Variants in WNK2 observed in about 807,000 individuals in gnomAD.
WNK2 encodes the protein serine/threonine-protein kinase WNK2.
WNK2 carries 67 observed loss-of-function variants against 192.1 expected under a neutral mutation model. The ratio of observed to expected loss-of-function variants is 0.35; its 90% confidence interval spans 0.29 to 0.43. WNK2 has a LOEUF of 0.43. Among genes scored for constraint, WNK2 ranks in the 20% least tolerant of loss-of-function variants. The probability of loss-of-function intolerance (pLI) is 1.00; values close to 1 mark genes in which losing one functional copy is unlikely to be tolerated. For synonymous variants in WNK2, 1,439 were observed against 1,393.9 expected (o/e 1.03, Z -0.72); for missense variants, 2,698 against 3,089.7 (o/e 0.87, Z 3.01).
At chr9:93,263,812 GGGGTGTGGT>G in intron 15 of WNK2, 78 bp downstream of exon 15, 3 of 485,812 alleles carry the variant, frequency 6.2e-6, no homozygotes, top group Non-Finnish European at 1.1e-5. Context: ...GGCCGTGGCG[GGGGTGTGGT>G]GGGGGTGGGG....
intron 23 of WNK2, among the ~76,000 whole-genome samples, chr9:93,295,294 C>T (rs1003477565): frequency 1.4e-4 from 22 of 152,192 alleles, no homozygotes; most frequent in Non-Finnish European, 2.2e-4. Context: ...CCCACGCAGC[C>T]GCTCCCCAAC....
At chr9:93,300,261 C>G in intron 26 of WNK2, 112 bp downstream of exon 26, 1 of 871,782 alleles carries the variant, frequency 1.1e-6, no homozygotes, top group Non-Finnish European at 1.8e-6. Flanking sequence ...CTCCCCCACC[C>G]CATCGAAGTC....
intron 2 of WNK2, among the ~76,000 whole-genome samples, chr9:93,217,743 G>A (rs914459818): frequency 7.2e-5 from 11 of 152,250 alleles, no homozygotes; most frequent in African/African-American, 2.2e-4. Context: ...CACCACAGAT[G>A]TTTGTGCCTG....
rs571045821 is a variant in WNK2 at position 93,259,651 on chromosome 9, G to C, written c.3066+37G>C. The stretch of plus-strand genomic sequence containing the variant: ...CTGGGCAGGGGCTCACCCTCCCAGC[G>C]TCTGGGGACCCTCAGGACCCAGAGA... On this transcript the variant is annotated intron_variant, in intron 12 of 29. Transcript: ENST00000427277. The surrounding 1 kb of genome is among the most constrained non-coding windows in gnomAD (Gnocchi z 4.8). 3 of 1,498,168 alleles carry C rather than the reference G, an allele frequency of 2.0e-6. No individual in the cohort carries two copies. The highest frequency in any genetic ancestry group is 2.7e-6 in the Non-Finnish European group (3 of 1,130,016). 92.8% of individuals were successfully genotyped at this position (1,498,168 alleles called of 1,614,324 possible).
chr9:93,297,834 C>G lies in WNK2; in HGVS notation c.5709-19C>G. The G allele has an allele frequency of 6.4e-7, 1 of 1,559,318 alleles. No homozygotes were observed. The highest frequency in any genetic ancestry group is 8.7e-7 in the Non-Finnish European group (1 of 1,153,232). On this transcript the variant is annotated intron_variant, in intron 23 of 29. Coordinates refer to ENST00000427277, the MANE Select transcript of WNK2 (RefSeq NM_006648.4). ...CACCGAGGAAGCCCATCGGCGCTCC[C>G]TCCTGTCCCCTCCTGCAGGCACCTG...
intron 19 of WNK2, among the ~76,000 whole-genome samples, chr9:93,284,900 C>A (rs1425950276): frequency 6.6e-6 from 1 of 152,188 alleles, no homozygotes; most frequent in Non-Finnish European, 1.5e-5. Context: ...TGAGTTGATA[C>A]CAACTTGAGG....
Position 93,311,320 on chromosome 9 carries a change from C to T in WNK2, c.6516+2736C>T, listed in dbSNP as rs149326063. 3.3e-3 allele frequency among the ~76,000 whole-genome samples: 510 copies of T among 152,290 alleles called. 2 individuals carry two copies. The highest frequency in any genetic ancestry group is 0.027 in the Middle Eastern group (8 of 294). On this transcript the variant is annotated intron_variant, in intron 28 of 29. Coordinates refer to ENST00000427277, the MANE Select transcript of WNK2 (RefSeq NM_006648.4). ...ATCCATTCTCAGGGGAATCCTGTTA[C>T]GGGATTGTCTGTCAGTTCTGTCAGT...
intron 2 of WNK2, among the ~76,000 whole-genome samples, chr9:93,190,030 A>C (rs1479671549): frequency 6.6e-6 from 1 of 152,194 alleles, no homozygotes; most frequent in East Asian, 1.9e-4. Flanking sequence ...AAATTCTCTG[A>C]AGTGCTTAAT....
chr9:93,253,223 C>A, intron 9 of WNK2, 141 bp downstream of exon 9: 1 of 710,310 alleles, frequency 1.4e-6, no homozygotes, highest in Non-Finnish European at 2.0e-6. Flanking sequence ...GGTCAGTGTC[C>A]AGCCACACTT....
At chr9:93,305,672 G>A (rs528625899) in intron 26 of WNK2, among the ~76,000 whole-genome samples, 2 of 152,202 alleles carry the variant, frequency 1.3e-5, no homozygotes, top group South Asian at 2.1e-4. Context: ...CAAGTTGCCC[G>A]CTGTCCCCCG....
In WNK2 at chr9:93,257,062, G is replaced by T. The variant is rs1232053034; in HGVS notation, c.2305G>T (p.Val769Leu). Reference sequence around the variant, plus strand: ...ACCGTACCTGGCTCCAGCCTCCCAGGTGGGGGCCCCCGCTCAGCTGAAGCC... The same window carrying T: ...ACCGTACCTGGCTCCAGCCTCCCAGTTGGGGGCCCCCGCTCAGCTGAAGCC... Reference protein sequence around the residue: ...LPPYLAPASQVGAPAQLKPLQ... With the variant: ...LPPYLAPASQLGAPAQLKPLQ... The change falls in exon 11 of 30, where the codon GTG (valine) becomes TTG (leucine). Residue 769 changes from valine (V) to leucine (L), a missense_variant. Physicochemically the swap from Val to Leu is conservative, Grantham distance 32. Around this residue, in one of 7 missense-constraint regions of WNK2, gnomAD observed 893 missense variants for 909.0 expected, o/e 0.98. Coordinates refer to ENST00000427277, the MANE Select transcript of WNK2 (RefSeq NM_006648.4). The surrounding 1 kb of genome is among the most constrained non-coding windows in gnomAD (Gnocchi z 4.7). 1 of 1,606,528 alleles carries T rather than the reference G, an allele frequency of 6.2e-7. No homozygotes were observed. The highest frequency in any genetic ancestry group is 2.2e-5 in the East Asian group (1 of 44,740).
intron 19 of WNK2, among the ~76,000 whole-genome samples, chr9:93,279,069 A>G (rs879862743): frequency 2.0e-5 from 3 of 152,178 alleles, no homozygotes; most frequent in Non-Finnish European, 4.4e-5. Flanking sequence ...ATTGGGAACT[A>G]GGTGAGGATG....
chr9:93,311,613 T>TTGTTTGTGTGTGTGTG (rs71511653), intron 28 of WNK2, among the ~76,000 whole-genome samples: 4 of 146,076 alleles, frequency 2.7e-5, no homozygotes, highest in South Asian at 4.4e-4. Context: ...GTTTTTTTGT[T>TTGTTTGTGTGTGTGTG]TGTGTGTGTG....
At chr9:93,235,094 A>G in intron 5 of WNK2, 129 bp downstream of exon 5, 1 of 1,157,350 alleles carries the variant, frequency 8.6e-7, no homozygotes, top group South Asian at 1.6e-5. Context: ...CATTTTGCAG[A>G]GGGGGAAACT....
chr9:93,225,528 C>G (rs141432153), intron 2 of WNK2, among the ~76,000 whole-genome samples: 1 of 152,198 alleles, frequency 6.6e-6, no homozygotes, highest in Non-Finnish European at 1.5e-5. Context: ...TTCTGACTTT[C>G]GTGTCTTACA....
intron 27 of WNK2, 140 bp from the exon 28 acceptor site, chr9:93,308,188 C>T: frequency 2.8e-6 from 4 of 1,435,758 alleles, no homozygotes; most frequent in Non-Finnish European, 3.7e-6. Flanking sequence ...CTTAATCCGA[C>T]CGCCTCTTGA....
At position 93,185,536 on chromosome 9, in the gene WNK2, C is replaced by G. The variant is rs1183743016; in HGVS notation, c.607C>G (p.Arg203Gly). Residue 203 changes from arginine to glycine, a missense_variant, in exon 2 of 30, where the codon CGC becomes GGC. By Grantham distance (125) the Arg-to-Gly change is moderately radical (BLOSUM62 -2). This residue lies in a region of WNK2 where 230 missense variants were observed against 501.1 expected (regional missense o/e 0.46). Transcript: ENST00000427277. Reference sequence around the variant, plus strand: ...CCTCAAGTTCGACATCGAGCTGGGCCGCGGTTCCTTCAAGACGGTCTACAA... The same window carrying G: ...CCTCAAGTTCGACATCGAGCTGGGCGGCGGTTCCTTCAAGACGGTCTACAA... Reference protein sequence around the residue: ...RFLKFDIELGRGSFKTVYKGL... With the variant: ...RFLKFDIELGGGSFKTVYKGL... 6.2e-7 allele frequency: 1 copy of G among 1,612,862 alleles called. No individual in the cohort carries two copies. Among genetic ancestry groups the G allele is most frequent in the Non-Finnish European group, 8.5e-7 (1 of 1,179,686 alleles).
chr9:93,290,093 C>A, intron 21 of WNK2, 46 bp downstream of exon 21: 1 of 1,524,760 alleles, frequency 6.6e-7, no homozygotes, highest in South Asian at 1.2e-5. Flanking sequence ...TGCTGCCTGG[C>A]TTCCTTGCCC....
At chr9:93,299,893 A>G (rs996171702) in intron 25 of WNK2, among the ~76,000 whole-genome samples, 158 bp from the exon 26 acceptor site, 9 of 123,088 alleles carry the variant, frequency 7.3e-5, no homozygotes, top group Non-Finnish European at 1.1e-4. Flanking sequence ...CCTCCTTCCC[A>G]TTACATGGTC....
Sources: gnomAD v4.1 joint callset for allele counts (sites outside exome capture counted in the v4.1 genomes callset) on GRCh38, gnomAD v4.1.1 for gene constraint, gnomAD v4.1.1 regional missense constraint, Gnocchi (gnomAD v3.1) non-coding constraint, MANE v1.5 for transcripts, NCBI Gene and HGNC (gene_info 2026-07-23, HGNC 2026-07-21) for gene names.